RBFOX1: variants seen among roughly 807,000 people sequenced by gnomAD.
RBFOX1 encodes RNA binding protein fox-1 homolog 1.
In RBFOX1, 8 loss-of-function variants were observed where a neutral mutation model predicts 57.7. The observed-to-expected ratio is 0.14, with a 90% CI of 0.08 to 0.25. RBFOX1 has a LOEUF of 0.25. RBFOX1 is among the 10% of genes least tolerant of loss of function. The pLI is 1.00. For synonymous variants in RBFOX1, 326 were observed against 222.4 expected, an observed-to-expected ratio of 1.47 and a Z score of -4.15; for missense variants, 611 against 548.5, an observed-to-expected ratio of 1.11 and a Z score of -1.14.
chr16:6,335,124 T>A (rs1351220570), intron 2 of RBFOX1, among the ~76,000 whole-genome samples: 1 of 152,242 alleles, frequency 6.6e-6, no homozygotes, highest in East Asian at 1.9e-4. Context: ...ACTGCTTGCT[T>A]AGCGCTTAAT....
At chr16:6,401,442 T>C (rs2093064102) in intron 2 of RBFOX1, among the ~76,000 whole-genome samples, 1 of 152,230 alleles carries the variant, frequency 6.6e-6, no homozygotes, top group Non-Finnish European at 1.5e-5. Flanking sequence ...ACTTCACTTA[T>C]GATAACCTCA....
intron 1 of RBFOX1, among the ~76,000 whole-genome samples, chr16:6,118,640 C>G (rs1039782463): frequency 1.3e-5 from 2 of 151,506 alleles, no homozygotes; most frequent in African/African-American, 4.9e-5. Flanking sequence ...CTCTCCCTCT[C>G]TTTCTTTCTC....
chr16:5,334,249 C>T (rs998291793), intron 1 of RBFOX1, among the ~76,000 whole-genome samples: 2 of 152,184 alleles, frequency 1.3e-5, no homozygotes, highest in Non-Finnish European at 2.9e-5. Context: ...TGGTATGTCT[C>T]TGCTCAGGGA....
At chr16:7,190,335 G>A (rs1048431465) in intron 4 of RBFOX1, among the ~76,000 whole-genome samples, 2 of 151,946 alleles carry the variant, frequency 1.3e-5, no homozygotes, top group Non-Finnish European at 2.9e-5. Flanking sequence ...CTCCAGCCTG[G>A]GTGACAGAGA....
rs373189288 is a variant in RBFOX1, at chr16:7,394,310, A to C, written c.28-123837A>C. ...AGTCATAGAATGAGAAAAAAATCTG[A>C]AATTAGAGGGATTGCTGTATAAATA... On this transcript the variant is annotated intron_variant, in intron 4 of 15. Coordinates refer to ENST00000550418, the MANE Select transcript of RBFOX1 (RefSeq NM_018723.4). Among the ~76,000 whole-genome samples, 4 of 151,762 alleles carry C rather than the reference A, an allele frequency of 2.6e-5. No individual in the cohort carries two copies. The South Asian group carries it at 8.4e-4, about 32-fold the overall frequency.
chr16:5,320,430 G>T (rs2151247046), intron 1 of RBFOX1, among the ~76,000 whole-genome samples: 1 of 152,296 alleles, frequency 6.6e-6, no homozygotes, highest in Middle Eastern at 3.4e-3. Flanking sequence ...GTTTACAAAA[G>T]CTCAGAATAG....
chr16:7,151,568 G>T (rs148647382), intron 4 of RBFOX1, among the ~76,000 whole-genome samples: 5 of 152,220 alleles, frequency 3.3e-5, no homozygotes, highest in Non-Finnish European at 7.3e-5. Flanking sequence ...CTGGTTTCAT[G>T]GAAGACAATT....
chr16:6,446,090 A>G (rs539430099), intron 2 of RBFOX1, among the ~76,000 whole-genome samples: 1 of 152,196 alleles, frequency 6.6e-6, no homozygotes, highest in Admixed American at 6.5e-5. Context: ...TCAACCTCTC[A>G]AGTAGCCAGG....
chr16:5,494,694 T>C (rs1189416655), intron 2 of RBFOX1, among the ~76,000 whole-genome samples: 1 of 152,180 alleles, frequency 6.6e-6, no homozygotes, highest in Non-Finnish European at 1.5e-5. Flanking sequence ...ACTGTGGGGT[T>C]ACTGAAGACT....
chr16:7,480,941 G>T (rs536979898), intron 4 of RBFOX1, among the ~76,000 whole-genome samples: 7 of 152,228 alleles, frequency 4.6e-5, no homozygotes, highest in African/African-American at 1.4e-4. Flanking sequence ...TCTGTAGTGC[G>T]AATTACTCAA....
chr16:7,219,515 G>A (rs983133624), intron 4 of RBFOX1, among the ~76,000 whole-genome samples: 2 of 152,188 alleles, frequency 1.3e-5, no homozygotes, highest in South Asian at 2.1e-4. Flanking sequence ...GTGTGTTTAA[G>A]GGTGTAATGT....
rs2080082768 is a variant in RBFOX1, at chr16:6,779,782, TATTTTTATATATAC to T, written c.-16+125133_-16+125146del. 1.2e-4 allele frequency among the ~76,000 whole-genome samples: 2 copies of T among 16,948 alleles called. 1 individual carries two copies. Among genetic ancestry groups the T allele is most frequent in the African/African-American group, 1.2e-3 (2 of 1,718 alleles). The allele number at this position is 16,948 out of a possible 152,430, so 11.1% of individuals were successfully genotyped here. ...ATATATTTATATATATATTTATATA[TATTTTTATATATAC>T]TTTTATATATTTATATATATATTTA... On this transcript the variant is annotated intron_variant, in intron 3 of 15. Transcript: ENST00000550418.
At chr16:5,584,515 C>A (rs961951481) in intron 2 of RBFOX1, among the ~76,000 whole-genome samples, 1 of 152,176 alleles carries the variant, frequency 6.6e-6, no homozygotes, top group African/African-American at 2.4e-5. Flanking sequence ...GCTGTGAGTT[C>A]CCTCACAAGG....
intron 4 of RBFOX1, among the ~76,000 whole-genome samples, chr16:7,481,431 C>A (rs953241467): frequency 1.3e-5 from 2 of 152,060 alleles, no homozygotes; most frequent in Non-Finnish European, 1.5e-5. Flanking sequence ...ATAAATTGTT[C>A]TTCTTTGGTG....
chr16:5,471,919 A>G (rs747062998), intron 2 of RBFOX1, among the ~76,000 whole-genome samples: 1 of 152,148 alleles, frequency 6.6e-6, no homozygotes, highest in Non-Finnish European at 1.5e-5. Flanking sequence ...TTCATGCAGC[A>G]TGGGTGGAAA....
In RBFOX1 at chr16:7,630,775, G is replaced by A. The variant is rs981341713; in HGVS notation, c.757+92G>A. On this transcript the variant is annotated intron_variant, in intron 11 of 15. Transcript: ENST00000550418. Reference sequence around the variant, plus strand: ...ATGTAAGTTCTCTCCCCCTCCCTCTGCCCCACCCTCTCTTGTGGCTCTCTC... The same window carrying A: ...ATGTAAGTTCTCTCCCCCTCCCTCTACCCCACCCTCTCTTGTGGCTCTCTC... The A allele has an allele frequency of 5.2e-6, 8 of 1,550,176 alleles. No individual in the cohort carries two copies. In the African/African-American group the frequency reaches 5.5e-5, roughly 11 times the overall value.
intron 3 of RBFOX1, among the ~76,000 whole-genome samples, chr16:6,708,307 C>T (rs1195304005): frequency 2.1e-5 from 2 of 96,276 alleles, no homozygotes; most frequent in African/African-American, 2.9e-5. Flanking sequence ...CACACACACT[C>T]ACACTCATTC....
At chr16:6,742,233 G>T (rs1309658501) in intron 3 of RBFOX1, among the ~76,000 whole-genome samples, 1 of 152,116 alleles carries the variant, frequency 6.6e-6, no homozygotes, top group Non-Finnish European at 1.5e-5. Context: ...AACATGGAAA[G>T]AATTCGGCAT....
chr16:7,176,507 C>G (rs1381724843), intron 4 of RBFOX1, among the ~76,000 whole-genome samples: 1 of 152,102 alleles, frequency 6.6e-6, no homozygotes, highest in Non-Finnish European at 1.5e-5. Flanking sequence ...AAATCCAGCT[C>G]TCCTCTTGTT....
Sources: gnomAD v4.1 joint callset for allele counts (sites outside exome capture counted in the v4.1 genomes callset) on GRCh38, gnomAD v4.1.1 for gene constraint, MANE v1.5 for transcripts, NCBI Gene and HGNC (gene_info 2026-07-23, HGNC 2026-07-21) for gene names.